The following B3GALT1 variants were observed in gnomAD, a reference collection of about 807,000 sequenced individuals.
The protein encoded by B3GALT1 is beta-1,3-galactosyltransferase 1, also known as UDP-Gal:betaGlcNAc beta 1,3-galactosyltransferase, polypeptide 1.
In B3GALT1, 10 loss-of-function variants were observed where a neutral mutation model predicts 23.2. The observed-to-expected ratio is 0.43, with a 90% CI of 0.27 to 0.73. The LOEUF is 0.73. Among genes scored for constraint, B3GALT1 ranks in the 30% least tolerant of loss-of-function variants. The pLI is 0.21. For synonymous variants in B3GALT1, 156 were observed against 141.5 expected (o/e 1.10, Z -0.73); for missense variants, 299 against 405.4 (o/e 0.74, Z 2.25).
intron 1 of B3GALT1, among the ~76,000 whole-genome samples, chr2:167,377,579 T>C (rs1454009573): frequency 6.6e-6 from 1 of 152,208 alleles, no homozygotes; most frequent in Non-Finnish European, 1.5e-5. Flanking sequence ...CATGATGTAA[T>C]GCTCTTCTTT....
chr2:167,685,008 CTG>C (rs1227176695), intron 3 of B3GALT1, among the ~76,000 whole-genome samples: 1 of 152,194 alleles, frequency 6.6e-6, no homozygotes, highest in Non-Finnish European at 1.5e-5. Flanking sequence ...CTACTCCAAA[CTG>C]TGGAAATAAG....
intron 1 of B3GALT1, among the ~76,000 whole-genome samples, chr2:167,318,803 A>G (rs1010028760): frequency 1.4e-4 from 22 of 152,058 alleles, no homozygotes; most frequent in African/African-American, 5.3e-4. Context: ...TGTGGCCTAT[A>G]GACTCCTGCT....
intron 1 of B3GALT1, among the ~76,000 whole-genome samples, chr2:167,462,197 A>AT (rs1435204609): frequency 1.3e-5 from 2 of 152,152 alleles, no homozygotes; most frequent in Non-Finnish European, 2.9e-5. Context: ...TATTACTTTT[A>AT]TTTTAATATA....
chr2:167,511,962 C>T (rs1461772194), intron 2 of B3GALT1, among the ~76,000 whole-genome samples: 2 of 152,060 alleles, frequency 1.3e-5, no homozygotes, highest in Non-Finnish European at 2.9e-5. Flanking sequence ...AAGACAAAGT[C>T]CCTTCTCTCT....
chr2:167,318,533 G>GA (rs141670651), intron 1 of B3GALT1, among the ~76,000 whole-genome samples: 7,459 of 149,922 alleles, frequency 0.05, 256 homozygotes, highest in East Asian at 0.14. Context: ...AGGAGGGAAG[G>GA]AAAAAAAAAT....
chr2:167,474,644 A>G (rs1360561181), intron 1 of B3GALT1, among the ~76,000 whole-genome samples: 2 of 152,164 alleles, frequency 1.3e-5, no homozygotes, highest in African/African-American at 4.8e-5. Context: ...CAGGCCCTAT[A>G]AAACCTGATT....
intron 1 of B3GALT1, among the ~76,000 whole-genome samples, chr2:167,320,653 A>G (rs1047911198): frequency 6.6e-6 from 1 of 152,160 alleles, no homozygotes; most frequent in Non-Finnish European, 1.5e-5. Context: ...GAAGCATAAA[A>G]ACATTTTTAA....
At chr2:167,444,045 A>G (rs900079358) in intron 1 of B3GALT1, among the ~76,000 whole-genome samples, 9 of 152,216 alleles carry the variant, frequency 5.9e-5, no homozygotes, top group Non-Finnish European at 1.0e-4. Flanking sequence ...ACATCCCATC[A>G]ATACCTAATT....
At chr2:167,651,409 A>C (rs1279675839) in intron 3 of B3GALT1, among the ~76,000 whole-genome samples, 5 of 152,104 alleles carry the variant, frequency 3.3e-5, no homozygotes, top group African/African-American at 1.2e-4. Context: ...TGATAACTTA[A>C]CATCTTCGTT....
chr2:167,865,085 C>G (rs1168701335), intron 4 of B3GALT1, among the ~76,000 whole-genome samples: 1 of 152,102 alleles, frequency 6.6e-6, no homozygotes, highest in South Asian at 2.1e-4. Context: ...TCCCTTCCCC[C>G]AGAAAATCAC....
chr2:167,309,182 T>G (rs1016444481), intron 1 of B3GALT1, among the ~76,000 whole-genome samples: 11 of 152,044 alleles, frequency 7.2e-5, no homozygotes, highest in Non-Finnish European at 1.5e-4. Context: ...TTGGTCTATA[T>G]TTGGTGCTAG....
At chr2:167,860,034 T>C (rs1158031461) in intron 4 of B3GALT1, among the ~76,000 whole-genome samples, 4 of 152,190 alleles carry the variant, frequency 2.6e-5, no homozygotes, top group Admixed American at 6.5e-5. Context: ...TCCTCTCCTG[T>C]GCTTATTTAC....
intron 1 of B3GALT1, among the ~76,000 whole-genome samples, chr2:167,308,097 G>A (rs1270135233): frequency 2.6e-5 from 4 of 151,944 alleles, no homozygotes; most frequent in African/African-American, 7.2e-5. Context: ...AAATAGAATT[G>A]TTAATCTTTT....
At chr2:167,717,906 A>C (rs1322345463) in intron 3 of B3GALT1, among the ~76,000 whole-genome samples, 2 of 152,328 alleles carry the variant, frequency 1.3e-5, no homozygotes, top group East Asian at 3.9e-4. Context: ...TAAAAAATGC[A>C]ATTTTCTTCA....
intron 3 of B3GALT1, among the ~76,000 whole-genome samples, chr2:167,716,960 CTT>C (rs1036296400): frequency 1.3e-5 from 2 of 152,264 alleles, no homozygotes; most frequent in East Asian, 1.9e-4. Flanking sequence ...TATTATGTCT[CTT>C]TACCCTCTCA....
At chr2:167,363,420 G>T (rs933829599) in intron 1 of B3GALT1, among the ~76,000 whole-genome samples, 1 of 152,110 alleles carries the variant, frequency 6.6e-6, no homozygotes, top group South Asian at 2.1e-4. Context: ...ACACACAAAA[G>T]ATACCATTGA....
chr2:167,719,084 A>T (rs909509145), intron 3 of B3GALT1, among the ~76,000 whole-genome samples: 2 of 152,224 alleles, frequency 1.3e-5, no homozygotes, highest in Non-Finnish European at 2.9e-5. Context: ...AATCTAAAAA[A>T]TAGCATTAGT....
chr2:167,627,369 T>A (rs888354907), intron 2 of B3GALT1, among the ~76,000 whole-genome samples: 1 of 151,740 alleles, frequency 6.6e-6, no homozygotes, highest in African/African-American at 2.4e-5. Context: ...GATACCTGAT[T>A]TCTGTCTCTA....
chr2:167,597,298 G>A (rs1254898534), intron 2 of B3GALT1, among the ~76,000 whole-genome samples: 1 of 151,882 alleles, frequency 6.6e-6, no homozygotes, highest in Admixed American at 6.5e-5. Flanking sequence ...TGTGTTTTCA[G>A]TAGAGACGGG....
Sources: gnomAD v4.1 joint callset for allele counts (sites outside exome capture counted in the v4.1 genomes callset) on GRCh38, gnomAD v4.1.1 for gene constraint, MANE v1.5 for transcripts, NCBI Gene and HGNC (gene_info 2026-07-23, HGNC 2026-07-21) for gene names.